GPRASP3: variants seen among roughly 807,000 people sequenced by gnomAD.
The protein encoded by GPRASP3 is G protein-coupled receptor associated sorting protein family member 3.
the GPRASP3 span, among the ~76,000 whole-genome samples, chrX:102,724,769 A>T: frequency 9.3e-6 from 1 of 107,110 alleles, no homozygotes; most frequent in African/African-American, 3.5e-5. Flanking sequence ...AAGCAAAATG[A>T]TGATTGCCTT....
chrX:102,725,040 T>G, the GPRASP3 span, among the ~76,000 whole-genome samples: 1 of 111,366 alleles, frequency 9.0e-6, no homozygotes. Context: ...GCCCCCAATT[T>G]CAAAAGAGCA....
At chrX:102,733,661 A>C in the GPRASP3 span, among the ~76,000 whole-genome samples, 1 of 108,173 alleles carries the variant, frequency 9.2e-6, no homozygotes, top group Non-Finnish European at 1.9e-5. Flanking sequence ...AAAAAAAAAA[A>C]AGATGACTTC....
chrX:102,738,523 C>A, the GPRASP3 span, among the ~76,000 whole-genome samples: 1 of 111,040 alleles, frequency 9.0e-6, no homozygotes, highest in East Asian at 2.8e-4. Context: ...GCTAGGACCA[C>A]CCTTCTTGGG....
the GPRASP3 span, among the ~76,000 whole-genome samples, chrX:102,745,643 G>A: frequency 9.0e-6 from 1 of 111,414 alleles, no homozygotes; most frequent in South Asian, 3.8e-4. Context: ...GCAGTCCCTG[G>A]TTGGGGAGTT....
the GPRASP3 span, chrX:102,749,839 C>T: frequency 1.0e-4 from 125 of 1,206,064 alleles, no homozygotes; most frequent in Non-Finnish European, 1.3e-4. Flanking sequence ...CCCTGAGTGT[C>T]GTTTTGATTC....
the GPRASP3 span, among the ~76,000 whole-genome samples, chrX:102,733,378 G>A: frequency 9.4e-6 from 1 of 106,836 alleles, no homozygotes; most frequent in African/African-American, 3.4e-5. Context: ...AGAATTGCTT[G>A]AACTTGGGAG....
chrX:102,721,166 A>G, the GPRASP3 span: 1 of 111,200 alleles, frequency 9.0e-6, no homozygotes, highest in African/African-American at 3.3e-5. Context: ...CTCCCAGCCC[A>G]GTGCCCTGTG....
the GPRASP3 span, among the ~76,000 whole-genome samples, chrX:102,733,881 AAG>A: frequency 9.1e-6 from 1 of 110,433 alleles, no homozygotes; most frequent in African/African-American, 3.3e-5. Context: ...TGAGTCCGAA[AAG>A]AGAGTCAGCG....
the GPRASP3 span, among the ~76,000 whole-genome samples, chrX:102,740,535 A>G: frequency 9.0e-6 from 1 of 111,572 alleles, no homozygotes; most frequent in Non-Finnish European, 1.9e-5. Flanking sequence ...AATGTCCAAA[A>G]ATCAACCAAC....
the GPRASP3 span, among the ~76,000 whole-genome samples, chrX:102,737,154 A>G: frequency 8.9e-6 from 1 of 112,497 alleles, no homozygotes; most frequent in African/African-American, 3.2e-5. Flanking sequence ...AGAAGAGAAA[A>G]AAACAAAGGC....
the GPRASP3 span, among the ~76,000 whole-genome samples, chrX:102,740,309 C>CGATT: frequency 2.7e-5 from 3 of 111,045 alleles, no homozygotes; most frequent in African/African-American, 9.8e-5. Context: ...AGAGAGAGAT[C>CGATT]GATTGATTGA....
At chrX:102,739,344 C>T in the GPRASP3 span, among the ~76,000 whole-genome samples, 1 of 111,297 alleles carries the variant, frequency 9.0e-6, no homozygotes, top group African/African-American at 3.3e-5. Flanking sequence ...CTTCCCTCCC[C>T]ACTCCCTTAG....
chrX:102,753,454 T>C, the GPRASP3 span: 1 of 123,387 alleles, frequency 8.1e-6, no homozygotes, highest in Admixed American at 9.4e-5. Flanking sequence ...TGTACAAGTG[T>C]TTTTATGGAC....
chrX:102,749,141 G>T, the GPRASP3 span: 8 of 1,212,083 alleles, frequency 6.6e-6, no homozygotes, highest in Non-Finnish European at 8.9e-6. Flanking sequence ...GCCAAGACAG[G>T]GTCTAAGACA....
At chrX:102,745,605 C>A in the GPRASP3 span, among the ~76,000 whole-genome samples, 2 of 111,012 alleles carry the variant, frequency 1.8e-5, no homozygotes, top group Non-Finnish European at 3.8e-5. Context: ...AGTGAGAGGG[C>A]TGGGGAGAGG....
At chrX:102,731,126 A>C in the GPRASP3 span, among the ~76,000 whole-genome samples, 1 of 112,997 alleles carries the variant, frequency 8.8e-6, no homozygotes, top group Non-Finnish European at 1.9e-5. Flanking sequence ...CAGGAATTTT[A>C]GAAAATACTA....
the GPRASP3 span, chrX:102,749,562 T>A: frequency 1.7e-4 from 210 of 1,209,621 alleles, no homozygotes; most frequent in Middle Eastern, 2.3e-4. Flanking sequence ...TTGACCCTAA[T>A]CCTAAACCTG....
chrX:102,749,792 G>C, the GPRASP3 span: 2 of 1,211,422 alleles, frequency 1.7e-6, no homozygotes, highest in Non-Finnish European at 2.2e-6. Flanking sequence ...ACAGCTTGCC[G>C]CCCTTCTAGG....
At chrX:102,751,949 A>ATTTT in the GPRASP3 span, 1 of 90,067 alleles carries the variant, frequency 1.1e-5, no homozygotes, top group Non-Finnish European at 2.3e-5. Context: ...TCATACCTTA[A>ATTTT]TTTTTTTTTT....
Sources: gnomAD v4.1 joint callset for allele counts (sites outside exome capture counted in the v4.1 genomes callset) on GRCh38, gnomAD v4.1.1 for gene constraint, MANE v1.5 for transcripts, NCBI Gene and HGNC (gene_info 2026-07-23, HGNC 2026-07-21) for gene names.